Variants in ZFP30 observed in about 807,000 individuals in gnomAD.
ZFP30 encodes the protein zinc finger protein 30 homolog.
A neutral mutation model predicts 12.3 loss-of-function variants in ZFP30; 16 were observed. The observed-to-expected ratio is 1.30, with a 90% CI of 0.88 to 1.98. The LOEUF is 1.98. Ranked by LOEUF, ZFP30 falls within the 30% of genes most tolerant of loss-of-function variation. The pLI is 0.00. For synonymous variants in ZFP30, 172 were observed against 201.0 expected (o/e 0.86, Z 1.22); for missense variants, 560 against 611.2 (o/e 0.92, Z 0.88).
At chr19:37,639,345 A>C (rs1473190587) in intron 5 of ZFP30, among the ~76,000 whole-genome samples, 1 of 152,246 alleles carries the variant, frequency 6.6e-6, no homozygotes, top group Non-Finnish European at 1.5e-5. Flanking sequence ...ATTAAAAATA[A>C]AACCAGTAAT....
intron 5 of ZFP30, among the ~76,000 whole-genome samples, chr19:37,638,392 G>C (rs1431819224): frequency 6.6e-6 from 1 of 152,124 alleles, no homozygotes; most frequent in Non-Finnish European, 1.5e-5. Context: ...TTATACTATG[G>C]TAAAAGGCTA....
chr19:37,655,735 C>T (rs868868824), upstream of ZFP30: 1 of 152,286 alleles, frequency 6.6e-6, no homozygotes, highest in Non-Finnish European at 1.5e-5. Flanking sequence ...AAACAATATT[C>T]CGCCTTTTTA....
At chr19:37,650,810 C>T (rs1197432014) in intron 2 of ZFP30, among the ~76,000 whole-genome samples, 1 of 151,572 alleles carries the variant, frequency 6.6e-6, no homozygotes, top group Non-Finnish European at 1.5e-5. Flanking sequence ...TCTCAACTCA[C>T]TGCAACCTCC....
rs940744683 is a variant in ZFP30, at chr19:37,632,802, T to C, written c.*2179A>G. 7.2e-5 allele frequency: 11 copies of C among 152,334 alleles called. 1 individual carries two copies. Among genetic ancestry groups the C allele is most frequent in the Middle Eastern group, 3.4e-3 (1 of 294 alleles). The allele number at this position is 152,334 out of a possible 1,614,324, so 9.4% of individuals were successfully genotyped here. A position where few individuals can be genotyped will look rare whatever the true frequency, so the allele number is the denominator to read the frequency against. On this transcript the variant is annotated 3_prime_UTR_variant, in exon 6 of 6. Coordinates refer to ENST00000684514, the MANE Select transcript of ZFP30 (RefSeq NM_001320669.3). ...CTCAACAGGTTGCTAGTGACTACCA[T>C]ATATTAGTACAGGTCTAGTCCATTA...
In ZFP30 at chr19:37,634,384, A is replaced by G. The variant is rs1001328966; in HGVS notation, c.*597T>C. 3 of 152,236 alleles carry G rather than the reference A, an allele frequency of 2.0e-5. No homozygotes were observed. Among genetic ancestry groups the G allele is most frequent in the Non-Finnish European group, 2.9e-5 (2 of 68,064 alleles). 9.4% of individuals were successfully genotyped at this position (152,236 alleles called of 1,614,324 possible). Reference sequence around the variant, plus strand: ...TGAAGTTGAGATGATGAGTGGGTTCAGACGTTGTCAGTCTCATCTATTCAC... The same window carrying G: ...TGAAGTTGAGATGATGAGTGGGTTCGGACGTTGTCAGTCTCATCTATTCAC... On this transcript the variant is annotated 3_prime_UTR_variant, in exon 6 of 6. Transcript: ENST00000684514.
In ZFP30 at chr19:37,654,783, G is replaced by C. The variant is rs1475740441; in HGVS notation, c.-149C>G. The C allele has an allele frequency of 6.6e-6, 1 of 152,276 alleles. No homozygotes were observed. The highest frequency in any genetic ancestry group is 2.4e-5 in the African/African-American group (1 of 41,418). The allele number at this position is 152,276 out of a possible 1,614,324, so 9.4% of individuals were successfully genotyped here. On this transcript the variant is annotated 5_prime_UTR_variant, in exon 2 of 6. Transcript: ENST00000684514. ...CAAGCGCCTTCTCTGGAAACTGGCA[G>C]GGCTGGGGAAGCAGGCAGAGTTCAG...
Position 37,635,511 on chromosome 19 carries a change from G to A in ZFP30, c.1030C>T (p.His344Tyr). Residue 344 changes from histidine (H) to tyrosine (Y), a missense_variant, in exon 6 of 6, where the codon CAT becomes TAT. Transcript: ENST00000684514. ...TTCTCACCAGTGTGAATTCTCTGAT[G>A]GAGAGTAAGTTGCTGCCGCACTCTA... is the stretch of plus-strand genomic sequence containing the variant. ...AFRVRQQLTL[H>Y]QRIHTGEKPY... 1.2e-6 allele frequency: 2 copies of A among 1,614,088 alleles called. No homozygotes were observed. Among genetic ancestry groups the A allele is most frequent in the South Asian group, 1.1e-5 (1 of 91,072 alleles).
rs1364320282 is a variant in ZFP30 at position 37,632,547 on chromosome 19, T to C, written c.*2434A>G. 3 of 152,196 alleles carry C rather than the reference T, an allele frequency of 2.0e-5. No homozygotes were observed. The highest frequency in any genetic ancestry group is 7.2e-5 in the African/African-American group (3 of 41,440). The allele number at this position is 152,196 out of a possible 1,614,324, so 9.4% of individuals were successfully genotyped here. A position where few individuals can be genotyped will look rare whatever the true frequency, so the allele number is the denominator to read the frequency against. Reference sequence around the variant, plus strand: ...ACAATAGAAATACGTGAGCTACATATATAAATTTTCCTATAACAATTTTAA... The same window carrying C: ...ACAATAGAAATACGTGAGCTACATACATAAATTTTCCTATAACAATTTTAA... On this transcript the variant is annotated 3_prime_UTR_variant, in exon 6 of 6. Transcript: ENST00000684514.
chr19:37,632,744 A>C lies in ZFP30; in HGVS notation c.*2237T>G, dbSNP rs1436599551. On this transcript the variant is annotated 3_prime_UTR_variant, in exon 6 of 6. Coordinates refer to ENST00000684514, the MANE Select transcript of ZFP30 (RefSeq NM_001320669.3). Reference sequence around the variant, plus strand: ...AACACCATTTGAATTTGGACTAGCCACATTTCAGTGCTCAATAACTCAATT... The same window carrying C: ...AACACCATTTGAATTTGGACTAGCCCCATTTCAGTGCTCAATAACTCAATT... 1 of 152,250 alleles carries C rather than the reference A, an allele frequency of 6.6e-6. No homozygotes were observed. The highest frequency in any genetic ancestry group is 1.5e-5 in the Non-Finnish European group (1 of 68,044). 9.4% of individuals were successfully genotyped at this position (152,250 alleles called of 1,614,324 possible). A position where few individuals can be genotyped will look rare whatever the true frequency, so the allele number is the denominator to read the frequency against.
upstream of ZFP30, chr19:37,655,962 A>C (rs2044749862): frequency 6.6e-6 from 1 of 152,456 alleles, no homozygotes; most frequent in African/African-American, 2.4e-5. Context: ...GGTTGGCTAC[A>C]GGATCCCGAT....
At chr19:37,640,378 TATTTTA>T (rs931686918) in intron 5 of ZFP30, among the ~76,000 whole-genome samples, 10 of 150,222 alleles carry the variant, frequency 6.7e-5, no homozygotes, top group African/African-American at 1.9e-4. Context: ...AATATGTATA[TATTTTA>T]ATTTTAATAT....
rs1418738764 is a variant in ZFP30 at position 37,634,222 on chromosome 19, T to C, written c.*759A>G. ...CTCCTTTTTGTGTCATGTAATTTAC[T>C]CTTCCATTCCTTGAATTTTCTCTAA... is the stretch of plus-strand genomic sequence containing the variant. On this transcript the variant is annotated 3_prime_UTR_variant, in exon 6 of 6. Transcript: ENST00000684514. 6.6e-6 allele frequency: 1 copy of C among 152,232 alleles called. No individual in the cohort carries two copies. 9.4% of individuals were successfully genotyped at this position (152,232 alleles called of 1,614,324 possible). A position where few individuals can be genotyped will look rare whatever the true frequency, so the allele number is the denominator to read the frequency against.
intron 3 of ZFP30, among the ~76,000 whole-genome samples, chr19:37,646,743 TTTTGTTTTGTTTTGTTTTGC>T (rs1412271319): frequency 1.4e-5 from 2 of 144,312 alleles, no homozygotes; most frequent in African/African-American, 5.8e-5. Context: ...ATCTGGCCAG[TTTTGTTTTGTTTTGTTTTGC>T]TTTGTTTTGT....
chr19:37,654,123 A>G lies in ZFP30; in HGVS notation c.-78+589T>C, dbSNP rs114583176. ...TTCAAAACAACACCGTAAAGTATAC[A>G]CTATTACAATTCTGAGGAAATTGAA... On this transcript the variant is annotated intron_variant, in intron 2 of 5. Transcript: ENST00000684514. Among the ~76,000 whole-genome samples the G allele has an allele frequency of 3.8e-3, 581 of 152,338 alleles. 5 individuals carry two copies. Among genetic ancestry groups the G allele is most frequent in the African/African-American group, 0.013 (544 of 41,576 alleles).
At chr19:37,644,084 G>A (rs2044491722) in intron 4 of ZFP30, among the ~76,000 whole-genome samples, 1 of 152,130 alleles carries the variant, frequency 6.6e-6, no homozygotes, top group African/African-American at 2.4e-5. Context: ...CAATGGTTTT[G>A]CCATGAGTGT....
rs1952158918 is a variant in ZFP30 at position 37,636,170 on chromosome 19, CA to C, written c.370del (p.Cys124ValfsTer5). On this transcript the variant is annotated frameshift_variant, in exon 6 of 6. Transcript: ENST00000684514. LOFTEE classifies it low-confidence loss of function (END_TRUNC). ...LEEQESPHEV[C>X]FRQVTKTTSE... The stretch of plus-strand genomic sequence containing the variant: ...GGTGGTTTTTGTCACTTGCCTGAAA[CA>C]CACCTCATGAGGACTTTCTTGTTCT... 6.2e-7 allele frequency: 1 copy of C among 1,614,042 alleles called. No homozygotes were observed. Among genetic ancestry groups the C allele is most frequent in the Admixed American group, 1.7e-5 (1 of 60,006 alleles).
intron 3 of ZFP30, among the ~76,000 whole-genome samples, chr19:37,645,970 T>G (rs1599626533): frequency 6.6e-6 from 1 of 152,318 alleles, no homozygotes; most frequent in East Asian, 1.9e-4. Context: ...ATGGTTTTGC[T>G]TTCCTCAATT....
chr19:37,641,862 T>C (rs907831453), intron 5 of ZFP30, among the ~76,000 whole-genome samples: 4 of 152,254 alleles, frequency 2.6e-5, no homozygotes, highest in African/African-American at 9.6e-5. Flanking sequence ...TGTAATTTAT[T>C]TGTTGAAGAA....
intron 5 of ZFP30, among the ~76,000 whole-genome samples, chr19:37,640,674 C>T (rs1303333558): frequency 6.6e-6 from 1 of 151,232 alleles, no homozygotes; most frequent in East Asian, 1.9e-4. Flanking sequence ...ATTGCATGAA[C>T]CCAGGAGTCT....
Sources: allele counts gnomAD v4.1 joint callset (sites outside exome capture counted in the v4.1 genomes callset), GRCh38; gene constraint gnomAD v4.1.1; transcripts MANE v1.5; gene names NCBI Gene and HGNC (gene_info 2026-07-23, HGNC 2026-07-21).